Variants in UBXN11 observed in about 807,000 individuals in gnomAD.
UBXN11 encodes UBX domain-containing protein 11.
In UBXN11, 47 loss-of-function variants were observed where a neutral mutation model predicts 62.8. The ratio of observed to expected loss-of-function variants is 0.75; its 90% CI spans 0.59 to 0.95. The LOEUF is 0.95. Ranked by LOEUF, UBXN11 falls within the 40% of genes least tolerant of loss-of-function variation. UBXN11 has a pLI of 0.00. For missense variants in UBXN11, 638 were observed against 661.7 expected, an observed-to-expected ratio of 0.96 and a Z score of 0.39; for synonymous variants, 294 against 267.0, an observed-to-expected ratio of 1.10 and a Z score of -0.99.
chr1:26,294,156 G>A (rs530171242), intron 8 of UBXN11, 49 bp downstream of exon 8: 25 of 1,607,198 alleles, frequency 1.6e-5, no homozygotes, highest in South Asian at 4.4e-5. Flanking sequence ...ACAGCAAACT[G>A]TTGGAGAATT....
At chr1:26,299,203 G>A (rs1340056806) in intron 4 of UBXN11, among the ~76,000 whole-genome samples, 2 of 152,130 alleles carry the variant, frequency 1.3e-5, no homozygotes, top group African/African-American at 4.8e-5. Flanking sequence ...ATCCAGGCCA[G>A]AGGAACATCA....
At chr1:26,292,537 A>G (rs1485368641) in intron 8 of UBXN11, among the ~76,000 whole-genome samples, 1 of 151,942 alleles carries the variant, frequency 6.6e-6, no homozygotes, top group Non-Finnish European at 1.5e-5. Context: ...AGAAAAATAA[A>G]GAAAAGAAAA....
At chr1:26,311,286 C>T (rs2073742656), upstream of UBXN11, among the ~76,000 whole-genome samples, 1 of 150,364 alleles carries the variant, frequency 6.7e-6, no homozygotes, top group African/African-American at 2.5e-5. Flanking sequence ...TTACAGGTGC[C>T]CACCACCATG....
Position 26,292,964 on chromosome 1 carries a change from G to A in UBXN11, c.559+1241C>T, listed in dbSNP as rs538838909. Among the ~76,000 whole-genome samples the A allele has an allele frequency of 2.0e-5, 3 of 152,290 alleles. No homozygotes were observed. The South Asian group carries it at 6.2e-4, about 32-fold the overall frequency. ...CTGGGGGGATCCAGCCAGAGCCCAG[G>A]CCTAAACAGGAGGCAGGATTCTCAT... On this transcript the variant is annotated intron_variant, in intron 8 of 14. Coordinates refer to ENST00000374222, the MANE Select transcript of UBXN11 (RefSeq NM_001389556.1).
intron 8 of UBXN11, among the ~76,000 whole-genome samples, chr1:26,293,990 T>C (rs948493695): frequency 6.6e-6 from 1 of 151,946 alleles, no homozygotes; most frequent in African/African-American, 2.4e-5. Context: ...AGAGCAGAGG[T>C]AGGACCGTGG....
intron 8 of UBXN11, among the ~76,000 whole-genome samples, chr1:26,287,906 CTTTTT>C (rs11307343): frequency 2.2e-5 from 3 of 139,190 alleles, no homozygotes; most frequent in Non-Finnish European, 4.6e-5. Flanking sequence ...TGCCTCAACC[CTTTTT>C]TTTTTTTTTC....
chr1:26,301,593 C>G, intron 3 of UBXN11, 101 bp downstream of exon 3: 1 of 1,520,212 alleles, frequency 6.6e-7, no homozygotes, highest in Non-Finnish European at 8.9e-7. Flanking sequence ...GCTGCTCCAG[C>G]TGACAAGGGC....
At position 26,282,659 on chromosome 1, in the gene UBXN11, C is replaced by G. The variant is rs766644776; in HGVS notation, c.1282G>C (p.Ala428Pro). ...CTGCCCTGCACCCACCTGGCCTGCGCTAGCAGAGCTCGCACGTCCCCAATG... is the reference window on the plus strand; with the variant it reads ...CTGCCCTGCACCCACCTGGCCTGCGGTAGCAGAGCTCGCACGTCCCCAATG... ...NTIGDVRALL[A>P]QARVMDASAF... is the part of the protein sequence containing the mutation. Residue 428 changes from alanine to proline, a missense_variant, in exon 14 of 15, where the codon GCG (alanine) becomes CCG (proline). Coordinates refer to ENST00000374222, the MANE Select transcript of UBXN11 (RefSeq NM_001389556.1). 1.2e-6 allele frequency: 2 copies of G among 1,613,980 alleles called. No individual in the cohort carries two copies. The highest frequency in any genetic ancestry group is 2.7e-5 in the African/African-American group (2 of 74,942).
chr1:26,283,390 T>C (rs556826433), intron 12 of UBXN11, among the ~76,000 whole-genome samples: 1 of 152,272 alleles, frequency 6.6e-6, no homozygotes, highest in East Asian at 1.9e-4. Context: ...GCCAGCATTA[T>C]GTGTGGCTGA....
In UBXN11 at chr1:26,285,803, C is replaced by T. The variant is rs766170962; in HGVS notation, c.774+20G>A. The stretch of plus-strand genomic sequence containing the variant: ...GCAGCAGGGGCACTAGAGCACCACC[C>T]CCCCCAACACCGCTCCTACCTGTGT... On this transcript the variant is annotated intron_variant, in intron 9 of 14. Transcript: ENST00000374222. 2.5e-6 allele frequency: 4 copies of T among 1,576,674 alleles called. 1 individual carries two copies. Among genetic ancestry groups the T allele is most frequent in the Non-Finnish European group, 3.5e-6 (4 of 1,153,296 alleles).
At chr1:26,300,820 C>T in intron 4 of UBXN11, 106 bp downstream of exon 4, 1 of 1,558,790 alleles carries the variant, frequency 6.4e-7, no homozygotes, top group Non-Finnish European at 8.7e-7. Context: ...GCAGCTGCCT[C>T]AGACCAAACA....
intron 8 of UBXN11, among the ~76,000 whole-genome samples, chr1:26,289,131 G>A (rs2124641390): frequency 6.6e-6 from 1 of 152,282 alleles, no homozygotes; most frequent in Admixed American, 6.5e-5. Context: ...CCCTCGCCTT[G>A]CGCTCTGGTG....
chr1:26,306,841 G>GT, upstream of UBXN11: 1 of 99,556 alleles, frequency 1.0e-5, no homozygotes, highest in Non-Finnish European at 2.1e-5. Context: ...GGGGGGGGGG[G>GT]TGGTTCGTTC....
chr1:26,305,849 A>G (rs968274664), intron 1 of UBXN11, among the ~76,000 whole-genome samples: 19 of 151,906 alleles, frequency 1.3e-4, no homozygotes, highest in Non-Finnish European at 4.4e-5. Flanking sequence ...AAACTCTCTC[A>G]CATATAGCTG....
chr1:26,310,039 A>T (rs4529699), upstream of UBXN11, among the ~76,000 whole-genome samples: 132,895 of 152,162 alleles, frequency 0.87, 59,010 homozygotes, highest in Non-Finnish European at 0.93. Flanking sequence ...GGGATCCTCC[A>T]GTCTCGGCCT....
At chr1:26,313,215 A>G (rs2073761143) in intron 1 of UBXN11, among the ~76,000 whole-genome samples, 1 of 152,018 alleles carries the variant, frequency 6.6e-6, no homozygotes, top group Non-Finnish European at 1.5e-5. Flanking sequence ...TCTATCATTG[A>G]CCAAGGACAT....
At chr1:26,297,591 C>T in intron 5 of UBXN11, 110 bp from the exon 6 acceptor site, 1 of 1,314,104 alleles carries the variant, frequency 7.6e-7, no homozygotes, top group Non-Finnish European at 1.0e-6. Context: ...CAGCAAGCCC[C>T]TGCCACCCTT....
chr1:26,317,190 G>A (rs914221038), intron 1 of UBXN11, among the ~76,000 whole-genome samples: 4 of 151,506 alleles, frequency 2.6e-5, no homozygotes, highest in Admixed American at 6.6e-5. Flanking sequence ...GCAGTAAGCC[G>A]AGATCATGCC....
At chr1:26,296,810 G>C in intron 7 of UBXN11, 109 bp downstream of exon 7, 1 of 1,165,420 alleles carries the variant, frequency 8.6e-7, no homozygotes, top group Non-Finnish European at 1.2e-6. Context: ...GGTGGGATGT[G>C]ACGAGGAGAG....
Sources: allele counts gnomAD v4.1 joint callset (sites outside exome capture counted in the v4.1 genomes callset), GRCh38; gene constraint gnomAD v4.1.1; transcripts MANE v1.5; gene names NCBI Gene and HGNC (gene_info 2026-07-23, HGNC 2026-07-21).